Variants in JAK1 observed in about 807,000 individuals in gnomAD.
JAK1 encodes the protein Janus kinase 1.
In JAK1, 16 loss-of-function variants were observed where a neutral mutation model predicts 136.6. The observed-to-expected ratio is 0.12, with a 90% CI of 0.08 to 0.18. The LOEUF (loss-of-function observed/expected upper bound fraction) is 0.18. JAK1 is among the 10% of genes least tolerant of loss of function. The probability of loss-of-function intolerance (pLI) is 1.00; values close to 1 mark genes in which losing one functional copy is unlikely to be tolerated. For synonymous variants in JAK1, 492 were observed against 519.5 expected (o/e 0.95, Z 0.72); for missense variants, 859 against 1,450.1 (o/e 0.59, Z 6.62).
At chr1:64,876,673 C>T (rs1644675360) in intron 4 of JAK1, among the ~76,000 whole-genome samples, 1 of 152,018 alleles carries the variant, frequency 6.6e-6, no homozygotes, top group Non-Finnish European at 1.5e-5. Context: ...TAAAGGTGCT[C>T]ATCAAACCTG....
intron 1 of JAK1, among the ~76,000 whole-genome samples, chr1:64,942,847 C>A (rs1224056821): frequency 6.6e-6 from 1 of 152,096 alleles, no homozygotes; most frequent in Non-Finnish European, 1.5e-5. Context: ...GTTGCTTACA[C>A]CACTTTCCTG....
intron 2 of JAK1, among the ~76,000 whole-genome samples, chr1:65,012,522 CA>C (rs1238396655): frequency 6.6e-6 from 1 of 152,126 alleles, no homozygotes; most frequent in African/African-American, 2.4e-5. Context: ...AAGGAATTAG[CA>C]GGACAAAATC....
intron 1 of JAK1, among the ~76,000 whole-genome samples, chr1:64,899,189 A>G (rs1645068696): frequency 6.6e-6 from 1 of 152,222 alleles, no homozygotes; most frequent in African/African-American, 2.4e-5. Flanking sequence ...GATCACATGT[A>G]TTTATTACCT....
At chr1:64,865,505 T>C (rs1656641045) in intron 7 of JAK1, among the ~76,000 whole-genome samples, 1 of 152,216 alleles carries the variant, frequency 6.6e-6, no homozygotes, top group Admixed American at 6.5e-5. Flanking sequence ...ATATTTTGTG[T>C]CGCATGAGCC....
At chr1:64,851,429 T>A (rs958558890) in intron 11 of JAK1, among the ~76,000 whole-genome samples, 5 of 152,136 alleles carry the variant, frequency 3.3e-5, no homozygotes, top group Non-Finnish European at 7.4e-5. Flanking sequence ...CAGGGCATGA[T>A]GGGAACCAGA....
rs573334941 is a variant in JAK1, at chr1:64,904,832, A to G, written c.-77-18491T>C. 2.6e-5 allele frequency among the ~76,000 whole-genome samples: 4 copies of G among 152,320 alleles called. No homozygotes were observed. In the South Asian group the frequency reaches 8.3e-4, roughly 32 times the overall value. On this transcript the variant is annotated intron_variant, in intron 1 of 24. Transcript: ENST00000342505. ...CAATATAATAAGATTAGACTAAAACAGTGTTCATAAAAGTAGGGGAGAATG... is the reference window on the plus strand; with the variant it reads ...CAATATAATAAGATTAGACTAAAACGGTGTTCATAAAAGTAGGGGAGAATG...
chr1:64,951,618 C>G (rs1023708656), intron 1 of JAK1, among the ~76,000 whole-genome samples: 4 of 150,678 alleles, frequency 2.7e-5, no homozygotes, highest in African/African-American at 9.8e-5. Context: ...AATAAATACA[C>G]CAGCAGCCCT....
intron 1 of JAK1, among the ~76,000 whole-genome samples, chr1:64,919,224 T>A (rs1645452917): frequency 6.6e-6 from 1 of 152,188 alleles, no homozygotes; most frequent in Admixed American, 6.5e-5. Context: ...TGTCCAAGTG[T>A]TCTCATTGTT....
At chr1:65,055,020 T>C (rs1647468530) in intron 1 of JAK1, among the ~76,000 whole-genome samples, 1 of 152,232 alleles carries the variant, frequency 6.6e-6, no homozygotes, top group Admixed American at 6.5e-5. Context: ...TTTATTGTGG[T>C]AAAATACACA....
At chr1:64,997,723 G>A (rs190918013) in intron 2 of JAK1, among the ~76,000 whole-genome samples, 25 of 152,188 alleles carry the variant, frequency 1.6e-4, no homozygotes, top group Non-Finnish European at 2.4e-4. Context: ...TGGGGCTGTC[G>A]GGGACTGTTG....
At chr1:64,857,042 C>T (rs886653585) in intron 10 of JAK1, among the ~76,000 whole-genome samples, 4 of 152,184 alleles carry the variant, frequency 2.6e-5, no homozygotes, top group Non-Finnish European at 5.9e-5. Context: ...CATTTGTGGT[C>T]TAGTGAGGCA....
intron 1 of JAK1, among the ~76,000 whole-genome samples, chr1:64,928,784 A>AAAAAAAAAAAC (rs1645629443): frequency 8.2e-6 from 1 of 121,968 alleles, no homozygotes; most frequent in South Asian, 2.7e-4. Flanking sequence ...TCTGCAAAAA[A>AAAAAAAAAAAC]AAAAAAAAAA....
At chr1:64,952,658 ACAC>A (rs1309061876) in intron 1 of JAK1, among the ~76,000 whole-genome samples, 2 of 152,240 alleles carry the variant, frequency 1.3e-5, no homozygotes, top group Non-Finnish European at 2.9e-5. Flanking sequence ...GAAGCAACTA[ACAC>A]GGGACCAAAG....
At chr1:65,039,675 G>A (rs528592289) in intron 2 of JAK1, among the ~76,000 whole-genome samples, 3 of 152,238 alleles carry the variant, frequency 2.0e-5, no homozygotes, top group African/African-American at 7.2e-5. Context: ...GCGTACCAGT[G>A]GTGATCTTAC....
In JAK1 at chr1:64,833,512, C is replaced by T. The variant is rs904960892; in HGVS notation, c.*1050G>A. 4.3e-6 allele frequency: 1 copy of T among 232,936 alleles called. No individual in the cohort carries two copies. The allele number at this position is 232,936 out of a possible 1,614,324, so 14.4% of individuals were successfully genotyped here. A position where few individuals can be genotyped will look rare whatever the true frequency, so the allele number is the denominator to read the frequency against. ...TAAACATTTTTGATTACCCAGCTAC[C>T]TCCAAGCAAACTGAAAACTGTCTAG... is the stretch of plus-strand genomic sequence containing the variant. On this transcript the variant is annotated 3_prime_UTR_variant, in exon 25 of 25. Coordinates refer to ENST00000342505, the MANE Select transcript of JAK1 (RefSeq NM_002227.4).
At chr1:65,039,933 G>A (rs571449101) in intron 2 of JAK1, among the ~76,000 whole-genome samples, 3 of 152,102 alleles carry the variant, frequency 2.0e-5, no homozygotes, top group South Asian at 4.1e-4. Context: ...TCTGAAATGC[G>A]AAGAGGCACA....
intron 1 of JAK1, among the ~76,000 whole-genome samples, chr1:64,928,813 T>C (rs1645638325): frequency 1.7e-5 from 1 of 57,308 alleles, no homozygotes; most frequent in Admixed American, 1.5e-4. Context: ...AAAAAAACTC[T>C]GCAAAAAAAG....
At chr1:64,943,961 G>A (rs915469830) in intron 1 of JAK1, among the ~76,000 whole-genome samples, 2 of 151,650 alleles carry the variant, frequency 1.3e-5, no homozygotes, top group Middle Eastern at 3.4e-3. Flanking sequence ...AGTGGCTCAC[G>A]CCTGTAATCC....
intron 3 of JAK1, among the ~76,000 whole-genome samples, chr1:64,881,885 C>T (rs3790545): frequency 0.12 from 17,831 of 151,852 alleles, 1,228 homozygotes; most frequent in East Asian, 0.28. Context: ...AGAAGCTTGG[C>T]GAAGAGAATA....
Sources: gnomAD v4.1 joint callset for allele counts (sites outside exome capture counted in the v4.1 genomes callset) on GRCh38, gnomAD v4.1.1 for gene constraint, MANE v1.5 for transcripts, NCBI Gene and HGNC (gene_info 2026-07-23, HGNC 2026-07-21) for gene names.